RAB3C: variants seen among roughly 807,000 people sequenced by gnomAD.
RAB3C encodes the protein RAB3C, member RAS oncogene family.
In RAB3C, 17 loss-of-function variants were observed where a neutral mutation model predicts 26.4. The ratio of observed to expected loss-of-function variants is 0.64; its 90% CI spans 0.44 to 0.97. The LOEUF (loss-of-function observed/expected upper bound fraction) is 0.97. Among genes scored for constraint, RAB3C ranks in the 50% least tolerant of loss-of-function variants. The pLI is 0.00. For missense variants in RAB3C, 242 were observed against 281.9 expected, an observed-to-expected ratio of 0.86 and a Z score of 1.01; for synonymous variants, 91 against 95.9, an observed-to-expected ratio of 0.95 and a Z score of 0.30.
chr5:58,619,547 T>C (rs1365487341), intron 2 of RAB3C, among the ~76,000 whole-genome samples: 5 of 152,222 alleles, frequency 3.3e-5, no homozygotes, highest in Non-Finnish European at 7.3e-5. Flanking sequence ...GACAATGTTC[T>C]TTTTACTAAT....
rs530502609 is a variant in RAB3C, at chr5:58,660,979, G to A, written c.252+43109G>A. On this transcript the variant is annotated intron_variant, in intron 2 of 4. Coordinates refer to ENST00000282878, the MANE Select transcript of RAB3C (RefSeq NM_138453.4). ...CATGCAAATTAGGTGGGAACTAACAGCCTCTCTCACACAGAGAGGTATGCA... is the reference window on the plus strand; with the variant it reads ...CATGCAAATTAGGTGGGAACTAACAACCTCTCTCACACAGAGAGGTATGCA... Among the ~76,000 whole-genome samples, 208 of 146,550 alleles carry A rather than the reference G, an allele frequency of 1.4e-3. 25 individuals are homozygous for A. Among genetic ancestry groups the A allele is most frequent in the African/African-American group, 5.1e-3 (198 of 39,062 alleles).
chr5:58,614,205 C>T (rs557792502), intron 1 of RAB3C, among the ~76,000 whole-genome samples: 11 of 152,068 alleles, frequency 7.2e-5, no homozygotes, highest in African/African-American at 2.4e-4. Flanking sequence ...GCTATGTTTC[C>T]CCATGAAAAT....
chr5:58,739,017 G>A (rs954489323), intron 3 of RAB3C, among the ~76,000 whole-genome samples: 8 of 152,156 alleles, frequency 5.3e-5, no homozygotes, highest in Admixed American at 2.0e-4. Context: ...ATATTCAGCT[G>A]GGTTTTGGTG....
chr5:58,606,616 C>A (rs1746577476), intron 1 of RAB3C, among the ~76,000 whole-genome samples: 3 of 152,200 alleles, frequency 2.0e-5, no homozygotes. Context: ...CCCCATGTAG[C>A]CTAACTGGGA....
intron 2 of RAB3C, among the ~76,000 whole-genome samples, chr5:58,624,495 A>G (rs1309581330): frequency 6.6e-6 from 1 of 152,218 alleles, no homozygotes; most frequent in Non-Finnish European, 1.5e-5. Context: ...GGAAAAAGAT[A>G]CACAATGTCT....
At chr5:58,651,253 C>T (rs1747642514) in intron 2 of RAB3C, among the ~76,000 whole-genome samples, 1 of 152,192 alleles carries the variant, frequency 6.6e-6, no homozygotes, top group Non-Finnish European at 1.5e-5. Context: ...CCATTGACCA[C>T]TTGCTTAATC....
At chr5:58,730,082 A>G (rs571707332) in intron 3 of RAB3C, among the ~76,000 whole-genome samples, 1 of 151,370 alleles carries the variant, frequency 6.6e-6, no homozygotes, top group Non-Finnish European at 1.5e-5. Context: ...TCAACAATAG[A>G]TTTAAGATTG....
At chr5:58,797,791 T>C (rs1742707987) in intron 3 of RAB3C, among the ~76,000 whole-genome samples, 1 of 152,188 alleles carries the variant, frequency 6.6e-6, no homozygotes. Context: ...GGAAATTCTA[T>C]GGTCAAGGTA....
At chr5:58,754,728 C>A (rs1741615171) in intron 3 of RAB3C, among the ~76,000 whole-genome samples, 1 of 152,308 alleles carries the variant, frequency 6.6e-6, no homozygotes, top group Admixed American at 6.5e-5. Context: ...ATACTTTATG[C>A]TTTCTTGAAA....
intron 2 of RAB3C, among the ~76,000 whole-genome samples, chr5:58,631,545 G>C (rs904057596): frequency 1.3e-5 from 2 of 152,130 alleles, no homozygotes; most frequent in Non-Finnish European, 2.9e-5. Flanking sequence ...GTTAAATCAT[G>C]GGTCATCTTC....
chr5:58,845,612 A>ATATATATATATATATATGTGTGTG, intron 4 of RAB3C, among the ~76,000 whole-genome samples: 93 of 81,650 alleles, frequency 1.1e-3, no homozygotes, highest in South Asian at 2.7e-3. Flanking sequence ...ATATATATAT[A>ATATATATATATATATATGTGTGTG]TGTGTGTGTG....
chr5:58,822,703 C>T (rs909623288), intron 3 of RAB3C: 5 of 443,280 alleles, frequency 1.1e-5, no homozygotes, highest in Admixed American at 2.7e-5. Context: ...TACTTATGCC[C>T]ATATAGAAGG....
chr5:58,713,148 G>A (rs993671735), intron 2 of RAB3C, among the ~76,000 whole-genome samples: 1 of 152,116 alleles, frequency 6.6e-6, no homozygotes, highest in African/African-American at 2.4e-5. Context: ...GTGAGTGGTG[G>A]TACAGATGGT....
At chr5:58,716,984 C>T (rs547947261) in intron 2 of RAB3C, among the ~76,000 whole-genome samples, 5 of 152,134 alleles carry the variant, frequency 3.3e-5, no homozygotes, top group South Asian at 2.1e-4. Context: ...TGATGTGTTA[C>T]TGTAGGTTCA....
At chr5:58,785,170 C>T (rs917113382) in intron 3 of RAB3C, among the ~76,000 whole-genome samples, 6 of 152,194 alleles carry the variant, frequency 3.9e-5, no homozygotes, top group Non-Finnish European at 8.8e-5. Context: ...TCATTGAAGT[C>T]TTCTAGAACC....
At chr5:58,828,866 G>A (rs1743547410) in intron 4 of RAB3C, among the ~76,000 whole-genome samples, 1 of 150,210 alleles carries the variant, frequency 6.7e-6, no homozygotes, top group Non-Finnish European at 1.5e-5. Flanking sequence ...TGCCAGAGCT[G>A]AACATTACCC....
chr5:58,627,238 C>T (rs758370398), intron 2 of RAB3C, among the ~76,000 whole-genome samples: 18 of 152,092 alleles, frequency 1.2e-4, no homozygotes, highest in African/African-American at 1.7e-4. Flanking sequence ...ATGTCAGCAG[C>T]TTCTGGTCTA....
At chr5:58,747,953 G>A (rs546528593) in intron 3 of RAB3C, among the ~76,000 whole-genome samples, 21 of 152,084 alleles carry the variant, frequency 1.4e-4, no homozygotes, top group South Asian at 8.3e-4. Flanking sequence ...ATTTAGAGTC[G>A]TCTTTGGGGA....
rs540970831 is a variant in RAB3C at position 58,648,457 on chromosome 5, A to G, written c.252+30587A>G. On this transcript the variant is annotated intron_variant, in intron 2 of 4. Transcript: ENST00000282878. Reference sequence around the variant, plus strand: ...GAGTTTGTGAAATGAGCTTCTCAATATAAATGGAAATCTCTCATAGTTTTC... The same window carrying G: ...GAGTTTGTGAAATGAGCTTCTCAATGTAAATGGAAATCTCTCATAGTTTTC... 2.8e-4 allele frequency among the ~76,000 whole-genome samples: 42 copies of G among 152,350 alleles called. 1 individual carries two copies. The Middle Eastern group carries it at 0.017, about 62-fold the overall frequency.
Sources: allele counts gnomAD v4.1 joint callset (sites outside exome capture counted in the v4.1 genomes callset), GRCh38; gene constraint gnomAD v4.1.1; transcripts MANE v1.5; gene names NCBI Gene and HGNC (gene_info 2026-07-23, HGNC 2026-07-21).